PARD3: variants seen among roughly 807,000 people sequenced by gnomAD.
The protein encoded by PARD3 is par-3 family cell polarity regulator.
PARD3 carries 75 observed loss-of-function variants against 155.4 expected under a neutral mutation model. The ratio of observed to expected loss-of-function variants is 0.48; its 90% CI spans 0.40 to 0.58. The LOEUF is 0.58. Among genes scored for constraint, PARD3 ranks in the 20% least tolerant of loss-of-function variants. The pLI, the probability that PARD3 is intolerant of heterozygous loss-of-function variation, is 0.00. For synonymous variants in PARD3, 576 were observed against 610.5 expected, an observed-to-expected ratio of 0.94 and a Z score of 0.83; for missense variants, 1,642 against 1,721.7, an observed-to-expected ratio of 0.95 and a Z score of 0.82.
At chr10:34,168,020 A>G (rs1412458605) in intron 22 of PARD3, among the ~76,000 whole-genome samples, 1 of 151,616 alleles carries the variant, frequency 6.6e-6, no homozygotes, top group Admixed American at 6.6e-5. Context: ...TTTTTTGAGC[A>G]AAGGTCGTGT....
chr10:34,661,628 AATGAACATGACCT>A (rs1160956546), intron 2 of PARD3, among the ~76,000 whole-genome samples: 3 of 152,246 alleles, frequency 2.0e-5, no homozygotes, highest in Admixed American at 6.5e-5. Context: ...AAGAAGCAAG[AATGAACATGACCT>A]ATTTATTCAT....
intron 3 of PARD3, among the ~76,000 whole-genome samples, chr10:34,488,432 A>G (rs960325761): frequency 1.3e-5 from 2 of 151,848 alleles, no homozygotes; most frequent in African/African-American, 4.8e-5. Flanking sequence ...GGATCCTCCC[A>G]CCCCTGCCTC....
chr10:34,558,882 G>C (rs540497176), intron 2 of PARD3, among the ~76,000 whole-genome samples: 36 of 152,320 alleles, frequency 2.4e-4, no homozygotes, highest in Admixed American at 3.3e-4. Context: ...GGGAGGCGGA[G>C]GTTGCAGTGA....
At chr10:34,601,869 C>T (rs2089811401) in intron 2 of PARD3, among the ~76,000 whole-genome samples, 1 of 152,156 alleles carries the variant, frequency 6.6e-6, no homozygotes, top group Non-Finnish European at 1.5e-5. Flanking sequence ...TCATTTGAAA[C>T]TCACTAGTTT....
chr10:34,278,725 T>C (rs912267774), intron 21 of PARD3, among the ~76,000 whole-genome samples: 4 of 152,206 alleles, frequency 2.6e-5, no homozygotes, highest in Admixed American at 2.6e-4. Flanking sequence ...CCTGTGGAAC[T>C]GAGTCAATTA....
chr10:34,736,805 T>C (rs2094924424), intron 1 of PARD3, among the ~76,000 whole-genome samples: 1 of 152,042 alleles, frequency 6.6e-6, no homozygotes, highest in South Asian at 2.1e-4. Context: ...GCCTCCCAAG[T>C]AGCTGGGATT....
intron 2 of PARD3, among the ~76,000 whole-genome samples, chr10:34,591,113 C>T (rs887943005): frequency 1.3e-5 from 2 of 152,106 alleles, no homozygotes; most frequent in African/African-American, 2.4e-5. Context: ...GTCCCAGTCA[C>T]GAAGACCAGC....
intron 1 of PARD3, among the ~76,000 whole-genome samples, chr10:34,742,335 A>C (rs946995201): frequency 1.1e-4 from 16 of 152,238 alleles, no homozygotes; most frequent in African/African-American, 3.9e-4. Context: ...ATAATGCAAC[A>C]ATTCAACAAA....
At chr10:34,759,629 A>G (rs1837188670) in intron 1 of PARD3, among the ~76,000 whole-genome samples, 1 of 152,248 alleles carries the variant, frequency 6.6e-6, no homozygotes, top group Admixed American at 6.5e-5. Context: ...GAGAGGGACA[A>G]TTTGAGGCAG....
intron 12 of PARD3, among the ~76,000 whole-genome samples, chr10:34,371,486 C>CAAAAAAAAAAAA (rs968034029): frequency 1.3e-4 from 3 of 22,750 alleles, no homozygotes; most frequent in Non-Finnish European, 2.6e-4. Flanking sequence ...ATTCTAGACT[C>CAAAAAAAAAAAA]AAAAAAAAAA....
chr10:34,654,523 A>G (rs1465237745), intron 2 of PARD3, among the ~76,000 whole-genome samples: 6 of 152,246 alleles, frequency 3.9e-5, no homozygotes, highest in Admixed American at 3.9e-4. Context: ...ACAGAATGGC[A>G]CAAGTTCAAC....
Position 34,508,856 on chromosome 10 carries a change from C to T in PARD3, c.403+8123G>A, listed in dbSNP as rs76989054. On this transcript the variant is annotated intron_variant, in intron 3 of 24. Transcript: ENST00000374788. ...GATCTGCACTCAGGAGACATGATCG[C>T]GCACACCATTCCACAACTATCTGTT... 3.2e-4 allele frequency among the ~76,000 whole-genome samples: 48 copies of T among 152,290 alleles called. 1 individual carries two copies. The East Asian group carries it at 9.1e-3, about 29-fold the overall frequency.
At chr10:34,528,900 T>C (rs549726902) in intron 2 of PARD3, among the ~76,000 whole-genome samples, 102 of 152,260 alleles carry the variant, frequency 6.7e-4, no homozygotes, top group Non-Finnish European at 1.2e-3. Context: ...TCAGGATGTA[T>C]AATTATTCAA....
At chr10:34,211,042 C>T (rs571580228) in intron 22 of PARD3, among the ~76,000 whole-genome samples, 3 of 152,228 alleles carry the variant, frequency 2.0e-5, no homozygotes, top group African/African-American at 4.8e-5. Flanking sequence ...CTCATTAACA[C>T]GGATTAACAG....
At chr10:34,490,907 G>A (rs557166976) in intron 3 of PARD3, among the ~76,000 whole-genome samples, 12 of 152,262 alleles carry the variant, frequency 7.9e-5, no homozygotes, top group Non-Finnish European at 1.6e-4. Context: ...ATTTGGTCTA[G>A]GAAGAAGCCC....
At chr10:34,179,670 G>A (rs1950186257) in intron 22 of PARD3, among the ~76,000 whole-genome samples, 1 of 152,148 alleles carries the variant, frequency 6.6e-6, no homozygotes, top group Admixed American at 6.5e-5. Context: ...TGTTTGAAAT[G>A]AAATTATCTA....
chr10:34,776,988 C>T (rs1415788889), intron 1 of PARD3, among the ~76,000 whole-genome samples: 2 of 150,882 alleles, frequency 1.3e-5, no homozygotes, highest in Admixed American at 6.6e-5. Context: ...AGGCATGTGC[C>T]ACCATGTCTG....
intron 18 of PARD3, among the ~76,000 whole-genome samples, chr10:34,333,563 T>C (rs1835841865): frequency 6.6e-6 from 1 of 152,062 alleles, no homozygotes; most frequent in South Asian, 2.1e-4. Flanking sequence ...TATTTATGTA[T>C]AGATGAAAAC....
chr10:34,492,839 C>G lies in PARD3; in HGVS notation c.404-22576G>C, dbSNP rs73261493. ...ACTTAGTCAATTTAGAAACTTAGGT[C>G]GAATCGATTAAGTAATTCAGTCAAA... On this transcript the variant is annotated intron_variant, in intron 3 of 24. Coordinates refer to ENST00000374788, the MANE Select transcript of PARD3 (RefSeq NM_001184785.2). Among the ~76,000 whole-genome samples, 568 of 152,248 alleles carry G rather than the reference C, an allele frequency of 3.7e-3. 2 individuals are homozygous for G. The highest frequency in any genetic ancestry group is 0.013 in the African/African-American group (536 of 41,536).
Sources: gnomAD v4.1 joint callset for allele counts (sites outside exome capture counted in the v4.1 genomes callset) on GRCh38, gnomAD v4.1.1 for gene constraint, MANE v1.5 for transcripts, NCBI Gene and HGNC (gene_info 2026-07-23, HGNC 2026-07-21) for gene names.